MYO18B: variants seen among roughly 807,000 people sequenced by gnomAD.
MYO18B encodes the protein unconventional myosin-XVIIIb.
A neutral mutation model predicts 273.0 loss-of-function variants in MYO18B; 204 were observed. That is an observed-to-expected ratio of 0.75 (90% CI 0.67 to 0.84). MYO18B has a LOEUF of 0.84. Among genes scored for constraint, MYO18B ranks in the 40% least tolerant of loss-of-function variants. MYO18B has a pLI of 0.00. For missense variants in MYO18B, 3,212 were observed against 3,287.6 expected, an observed-to-expected ratio of 0.98 and a Z score of 0.56; for synonymous variants, 1,330 against 1,305.7, an observed-to-expected ratio of 1.02 and a Z score of -0.40.
chr22:25,926,171 C>T (rs2092418400), intron 34 of MYO18B, among the ~76,000 whole-genome samples: 1 of 151,866 alleles, frequency 6.6e-6, no homozygotes, highest in African/African-American at 2.4e-5. Context: ...TGCCACTGCA[C>T]TCCAGCCTGG....
chr22:25,999,015 A>AC (rs1200409828), intron 40 of MYO18B, among the ~76,000 whole-genome samples: 1 of 152,170 alleles, frequency 6.6e-6, no homozygotes, highest in Non-Finnish European at 1.5e-5. Context: ...AACAATAGGT[A>AC]CCTTTTCTTG....
intron 12 of MYO18B, among the ~76,000 whole-genome samples, chr22:25,805,422 C>T (rs537119258): frequency 2.6e-5 from 4 of 152,312 alleles, no homozygotes; most frequent in South Asian, 2.1e-4. Context: ...AGGGCAAGAT[C>T]GCTGTGGATT....
chr22:26,003,354 C>T (rs1569285216), intron 41 of MYO18B, 45 bp downstream of exon 41: 3 of 1,544,302 alleles, frequency 1.9e-6, no homozygotes, highest in Non-Finnish European at 2.7e-6. Context: ...AAGGGTGAGC[C>T]CCTGGCTCTC....
intron 14 of MYO18B, among the ~76,000 whole-genome samples, chr22:25,826,878 G>A (rs1272782788): frequency 1.3e-5 from 2 of 152,164 alleles, no homozygotes; most frequent in African/African-American, 4.8e-5. Flanking sequence ...TGGCCAACAT[G>A]ACGAAAACCT....
At chr22:26,045,074 G>GT in the MYO18B span, among the ~76,000 whole-genome samples, 767 of 147,292 alleles carry the variant, frequency 5.2e-3, 15 homozygotes, top group East Asian at 0.067. Flanking sequence ...TTGGTTTTTG[G>GT]TTTTTTTTTT....
chr22:25,906,115 C>T (rs575290208), intron 31 of MYO18B, among the ~76,000 whole-genome samples: 18 of 152,294 alleles, frequency 1.2e-4, no homozygotes, highest in African/African-American at 3.1e-4. Flanking sequence ...CACTTTCATC[C>T]GTCTTCAGCT....
chr22:25,946,661 A>G (rs1483812996), intron 35 of MYO18B, among the ~76,000 whole-genome samples: 1 of 152,154 alleles, frequency 6.6e-6, no homozygotes, highest in Non-Finnish European at 1.5e-5. Context: ...CAATGTGGAA[A>G]CACAACTGTA....
chr22:25,954,088 C>T (rs539978817), intron 38 of MYO18B, among the ~76,000 whole-genome samples: 49 of 152,290 alleles, frequency 3.2e-4, no homozygotes, highest in African/African-American at 9.9e-4. Context: ...ATGTGGGTCC[C>T]GTCTTATGTC....
chr22:25,837,309 G>A (rs531054540), intron 17 of MYO18B, among the ~76,000 whole-genome samples: 1 of 152,100 alleles, frequency 6.6e-6, no homozygotes, highest in Admixed American at 6.5e-5. Flanking sequence ...AGGTGTCAGG[G>A]ACAAGGCAAA....
At chr22:25,908,923 T>G (rs1490621850) in intron 32 of MYO18B, among the ~76,000 whole-genome samples, 2 of 152,244 alleles carry the variant, frequency 1.3e-5, no homozygotes, top group African/African-American at 4.8e-5. Flanking sequence ...TGTACACACA[T>G]GCAGATTTGC....
chr22:26,005,686 CA>C (rs1221556447), intron 42 of MYO18B, among the ~76,000 whole-genome samples: 2 of 152,136 alleles, frequency 1.3e-5, no homozygotes, highest in Non-Finnish European at 2.9e-5. Flanking sequence ...TTTTTGTGAA[CA>C]GAAGGCCCAA....
At chr22:26,061,253 T>C in the MYO18B span, among the ~76,000 whole-genome samples, 1 of 152,232 alleles carries the variant, frequency 6.6e-6, no homozygotes, top group African/African-American at 2.4e-5. Flanking sequence ...ATCCCCTGTA[T>C]AACCAGTTTC....
At chr22:25,842,244 A>C (rs895885025) in intron 17 of MYO18B, among the ~76,000 whole-genome samples, 8 of 152,358 alleles carry the variant, frequency 5.3e-5, no homozygotes, top group African/African-American at 1.7e-4. Context: ...GTTTAGAGGC[A>C]GCAAATTAGG....
chr22:25,849,484 TGC>T (rs2146035332), intron 20 of MYO18B, among the ~76,000 whole-genome samples: 1 of 152,326 alleles, frequency 6.6e-6, no homozygotes, highest in African/African-American at 2.4e-5. Context: ...AATATATATA[TGC>T]ATATATACAC....
intron 22 of MYO18B, among the ~76,000 whole-genome samples, chr22:25,870,913 G>T (rs2091029025): frequency 1.3e-5 from 2 of 152,256 alleles, no homozygotes; most frequent in South Asian, 4.2e-4. Context: ...GAAGAAGAAA[G>T]AAAACAGTCA....
chr22:25,827,048 C>T (rs993188350), intron 14 of MYO18B, among the ~76,000 whole-genome samples: 1 of 152,082 alleles, frequency 6.6e-6, no homozygotes, highest in African/African-American at 2.4e-5. Context: ...GGTGACAGAG[C>T]GAGACTCTCT....
chr22:25,763,772 A>G (rs2086410772), intron 3 of MYO18B, among the ~76,000 whole-genome samples: 1 of 152,220 alleles, frequency 6.6e-6, no homozygotes, highest in Non-Finnish European at 1.5e-5. Context: ...GTCAGTAGTG[A>G]GTGCTTAACA....
At chr22:25,863,719 A>C (rs1287909717) in intron 21 of MYO18B, among the ~76,000 whole-genome samples, 1 of 152,220 alleles carries the variant, frequency 6.6e-6, no homozygotes, top group Non-Finnish European at 1.5e-5. Flanking sequence ...GCATTCAGGC[A>C]GTTCCCAGTT....
intron 31 of MYO18B, among the ~76,000 whole-genome samples, chr22:25,907,805 C>T (rs982171445): frequency 6.6e-6 from 1 of 151,996 alleles, no homozygotes; most frequent in Non-Finnish European, 1.5e-5. Flanking sequence ...GAGGCTGAGG[C>T]GGGTGGATCA....
Sources: gnomAD v4.1 joint callset for allele counts (sites outside exome capture counted in the v4.1 genomes callset) on GRCh38, gnomAD v4.1.1 for gene constraint, MANE v1.5 for transcripts, NCBI Gene and HGNC (gene_info 2026-07-23, HGNC 2026-07-21) for gene names.